Variants in CMSS1 observed in about 807,000 individuals in gnomAD.
CMSS1 encodes the protein protein CMSS1.
In CMSS1, 33 loss-of-function variants were observed where a neutral mutation model predicts 43.5. The observed-to-expected ratio is 0.76, with a 90% CI of 0.57 to 1.01. The LOEUF (loss-of-function observed/expected upper bound fraction) is 1.01. Among genes scored for constraint, CMSS1 ranks in the 50% least tolerant of loss-of-function variants. CMSS1 has a pLI of 0.00. For synonymous variants in CMSS1, 115 were observed against 117.2 expected (o/e 0.98, Z 0.12); for missense variants, 313 against 326.4 (o/e 0.96, Z 0.32).
chr3:99,878,214 C>A (rs542702318), intron 1 of CMSS1, among the ~76,000 whole-genome samples: 17 of 152,286 alleles, frequency 1.1e-4, no homozygotes, highest in Admixed American at 4.6e-4. Context: ...AGTTATGTGA[C>A]CACTGTCTTC....
At chr3:99,909,187 G>A (rs557704705) in intron 1 of CMSS1, among the ~76,000 whole-genome samples, 1 of 152,278 alleles carries the variant, frequency 6.6e-6, no homozygotes, top group South Asian at 2.1e-4. Flanking sequence ...GACATGCAGG[G>A]AGACACCTGT....
At chr3:100,034,527 A>G (rs1158320704) in intron 1 of CMSS1, among the ~76,000 whole-genome samples, 1 of 152,224 alleles carries the variant, frequency 6.6e-6, no homozygotes, top group Admixed American at 6.5e-5. Context: ...TGTGTTGCCT[A>G]AATAATAGAG....
intron 1 of CMSS1, among the ~76,000 whole-genome samples, chr3:99,958,592 A>G (rs1389395869): frequency 6.6e-6 from 1 of 152,186 alleles, no homozygotes; most frequent in African/African-American, 2.4e-5. Flanking sequence ...CGGTTAGTAG[A>G]ATTAGACAAC....
chr3:100,127,427 C>T (rs1436235433), intron 1 of CMSS1, among the ~76,000 whole-genome samples: 1 of 152,182 alleles, frequency 6.6e-6, no homozygotes, highest in Non-Finnish European at 1.5e-5. Flanking sequence ...GCTCTAAAAC[C>T]TCCAAGCCCG....
chr3:99,849,701 G>C (rs1280655624), intron 1 of CMSS1: 5 of 1,613,486 alleles, frequency 3.1e-6, no homozygotes, highest in African/African-American at 1.3e-5. Flanking sequence ...CTTCGTTCTA[G>C]AGTCTCATAT....
At chr3:99,983,444 ATGTATATATATATATGTG>A (rs1709209126) in intron 1 of CMSS1, among the ~76,000 whole-genome samples, 9 of 30,020 alleles carry the variant, frequency 3.0e-4, no homozygotes, top group East Asian at 1.1e-3. Context: ...ATATATATGT[ATGTATATATATATATGTG>A]TGTATATATA....
At chr3:100,097,244 C>G (rs1172588480) in intron 1 of CMSS1, among the ~76,000 whole-genome samples, 11 of 152,226 alleles carry the variant, frequency 7.2e-5, no homozygotes, top group Non-Finnish European at 1.6e-4. Flanking sequence ...AAACCACCAA[C>G]CATCCCATCC....
At chr3:100,134,410 T>G (rs1041552147) in intron 1 of CMSS1, among the ~76,000 whole-genome samples, 3 of 152,206 alleles carry the variant, frequency 2.0e-5, no homozygotes, top group Admixed American at 2.0e-4. Context: ...ATTTAGGCTT[T>G]CTTCTGTCGC....
chr3:99,849,142 A>G (rs747471636), intron 1 of CMSS1: 1 of 1,614,076 alleles, frequency 6.2e-7, no homozygotes, highest in South Asian at 1.1e-5. Context: ...TTTGAAGGAC[A>G]GCACAGATCC....
intron 1 of CMSS1, chr3:99,830,087 C>T (rs1267541283): frequency 6.5e-6 from 1 of 153,876 alleles, no homozygotes; most frequent in African/African-American, 2.4e-5. Flanking sequence ...TCTGTTTTCA[C>T]CAGAAAACTC....
intron 6 of CMSS1, among the ~76,000 whole-genome samples, chr3:100,170,388 A>C (rs1300314412): frequency 6.6e-6 from 1 of 152,226 alleles, no homozygotes; most frequent in Non-Finnish European, 1.5e-5. Context: ...AAAAATAAAG[A>C]ACAGAAAATT....
At chr3:99,884,871 G>T (rs921542063) in intron 1 of CMSS1, among the ~76,000 whole-genome samples, 1 of 152,158 alleles carries the variant, frequency 6.6e-6, no homozygotes, top group African/African-American at 2.4e-5. Flanking sequence ...TACTGATAAG[G>T]CCTGTGTCCA....
At chr3:99,846,356 G>C (rs1041273530) in intron 1 of CMSS1, among the ~76,000 whole-genome samples, 2 of 152,112 alleles carry the variant, frequency 1.3e-5, no homozygotes, top group African/African-American at 4.8e-5. Context: ...TCAGTTGATC[G>C]ATGCCTTCCA....
chr3:99,894,154 G>A (rs1184412290), intron 1 of CMSS1, among the ~76,000 whole-genome samples: 2 of 152,212 alleles, frequency 1.3e-5, no homozygotes, highest in Non-Finnish European at 2.9e-5. Context: ...ATTACAGCTA[G>A]GAGTTGGTTG....
chr3:99,997,370 G>A (rs1446615383), intron 1 of CMSS1, among the ~76,000 whole-genome samples: 1 of 152,196 alleles, frequency 6.6e-6, no homozygotes, highest in African/African-American at 2.4e-5. Flanking sequence ...GGAAATGGCT[G>A]TATGCTATCT....
intron 2 of CMSS1, among the ~76,000 whole-genome samples, chr3:100,147,346 C>A (rs1243261538): frequency 2.1e-5 from 3 of 141,674 alleles, no homozygotes; most frequent in African/African-American, 7.9e-5. Flanking sequence ...TCATGGCTCA[C>A]TGCAACCTTG....
chr3:99,975,740 T>G (rs746502967), intron 1 of CMSS1, among the ~76,000 whole-genome samples: 5 of 152,182 alleles, frequency 3.3e-5, no homozygotes, highest in Non-Finnish European at 7.3e-5. Flanking sequence ...GAGTATATAC[T>G]CATATCAAGG....
At chr3:99,858,556 CT>C (rs1439317942) in intron 1 of CMSS1, among the ~76,000 whole-genome samples, 1 of 152,110 alleles carries the variant, frequency 6.6e-6, no homozygotes, top group East Asian at 1.9e-4. Flanking sequence ...TGAAAAAATA[CT>C]TTTACAAAAT....
intron 1 of CMSS1, among the ~76,000 whole-genome samples, chr3:99,837,301 A>G (rs1256494551): frequency 1.3e-5 from 2 of 152,168 alleles, no homozygotes; most frequent in Admixed American, 6.5e-5. Flanking sequence ...GTTTTTAGTT[A>G]GCTCCTGTTT....
Sources: allele counts gnomAD v4.1 joint callset (sites outside exome capture counted in the v4.1 genomes callset), GRCh38; gene constraint gnomAD v4.1.1; transcripts MANE v1.5; gene names NCBI Gene and HGNC (gene_info 2026-07-23, HGNC 2026-07-21).